Variants in ANK2 observed in about 807,000 individuals in gnomAD.
ANK2 encodes ankyrin-2.
In ANK2, 83 loss-of-function variants were observed where a neutral mutation model predicts 360.5. That is an observed-to-expected ratio of 0.23 (90% CI 0.19 to 0.28). ANK2 has a LOEUF of 0.28. Among genes scored for constraint, ANK2 ranks in the 10% least tolerant of loss-of-function variants. The pLI is 1.00. For synonymous variants in ANK2, 1,740 were observed against 1,759.5 expected (o/e 0.99, Z 0.28); for missense variants, 4,201 against 4,795.7 (o/e 0.88, Z 3.66).
chr4:113,075,470 C>G (rs2079540251), intron 1 of ANK2, among the ~76,000 whole-genome samples: 1 of 152,048 alleles, frequency 6.6e-6, no homozygotes, highest in Middle Eastern at 3.2e-3. Flanking sequence ...AAAAAGATGT[C>G]CTCAACATCA....
At chr4:113,032,057 T>A (rs2060533644) in intron 2 of ANK2, among the ~76,000 whole-genome samples, 2 of 151,900 alleles carry the variant, frequency 1.3e-5, no homozygotes, top group Admixed American at 1.3e-4. Context: ...AACCCAAACA[T>A]CCCAAAAATC....
At position 112,939,331 on chromosome 4, in the gene ANK2, C is replaced by A. The variant is rs192735573; in HGVS notation, c.21+34817C>A. Among the ~76,000 whole-genome samples the A allele has an allele frequency of 1.8e-3, 267 of 152,152 alleles. 1 individual carries two copies. The highest frequency in any genetic ancestry group is 5.1e-3 in the Admixed American group (78 of 15,270). On this transcript the variant is annotated intron_variant, in intron 2 of 30. Transcript: ENST00000503271. The stretch of plus-strand genomic sequence containing the variant: ...TTATTTTTATTTATTTATTTTGAGA[C>A]GGAGTTTCACTCTTGTTGCCCAGGC...
At chr4:113,130,460 G>C (rs1314444415) in intron 1 of ANK2, among the ~76,000 whole-genome samples, 1 of 152,074 alleles carries the variant, frequency 6.6e-6, no homozygotes, top group Admixed American at 6.6e-5. Flanking sequence ...AATGTATAAT[G>C]ATACTGCAAG....
chr4:113,009,925 T>TACCCACAC (rs1554050325), intron 2 of ANK2, among the ~76,000 whole-genome samples: 1 of 149,532 alleles, frequency 6.7e-6, no homozygotes, highest in Non-Finnish European at 1.5e-5. Context: ...TTGTTGAGAG[T>TACCCACAC]ACACACACAC....
Position 113,354,154 on chromosome 4 carries a change from T to C in ANK2, c.5536T>C (p.Ser1846Pro), listed in dbSNP as rs765102163. The stretch of plus-strand genomic sequence containing the variant: ...AAAAACTGAAAGGCACCCTCCAGTA[T>C]CACCATCAAGTAAAACTGAGAAACA... ...SAKTERHPPV[S>P]PSSKTEKHSP... is the part of the protein sequence containing the mutation. Residue 1846 changes from serine to proline, a missense_variant, in exon 38 of 46, where the codon TCA becomes CCA. Around this residue, in one of 4 missense-constraint regions of ANK2, gnomAD observed 2,642 missense variants for 2,714.5 expected, o/e 0.97. Coordinates refer to ENST00000357077, the MANE Select transcript of ANK2 (RefSeq NM_001148.6). 4.3e-6 allele frequency: 7 copies of C among 1,613,932 alleles called. No homozygotes were observed. Among genetic ancestry groups the C allele is most frequent in the Non-Finnish European group, 8.5e-7 (1 of 1,179,992 alleles).
intron 1 of ANK2, among the ~76,000 whole-genome samples, chr4:113,153,760 A>G (rs1452190104): frequency 1.3e-5 from 2 of 152,224 alleles, no homozygotes; most frequent in South Asian, 2.1e-4. Context: ...CTACCACATC[A>G]GAAGAATCGC....
intron 1 of ANK2, among the ~76,000 whole-genome samples, chr4:113,086,112 A>G (rs1274015353): frequency 6.6e-6 from 1 of 152,188 alleles, no homozygotes; most frequent in African/African-American, 2.4e-5. Context: ...TCAGAAGAGT[A>G]TAACAGAAAT....
intron 1 of ANK2, among the ~76,000 whole-genome samples, chr4:113,146,518 A>T (rs1191097522): frequency 6.6e-6 from 1 of 152,138 alleles, no homozygotes; most frequent in Non-Finnish European, 1.5e-5. Context: ...TTTTCTTGTT[A>T]TGATAGTAAT....
intron 15 of ANK2, 91 bp downstream of exon 15, chr4:113,274,740 A>G: frequency 7.3e-7 from 1 of 1,371,822 alleles, no homozygotes; most frequent in South Asian, 1.2e-5. Context: ...AAGAGGGTAG[A>G]TCTCCTCAGG....
intron 1 of ANK2, among the ~76,000 whole-genome samples, chr4:112,819,283 G>C (rs1034004350): frequency 6.6e-6 from 1 of 152,174 alleles, no homozygotes; most frequent in African/African-American, 2.4e-5. Context: ...TAGAGTTCTA[G>C]GTCAAGGTGT....
chr4:112,998,857 AATGAACAC>A (rs1465478726), intron 2 of ANK2, among the ~76,000 whole-genome samples: 3 of 152,190 alleles, frequency 2.0e-5, no homozygotes, highest in African/African-American at 7.2e-5. Flanking sequence ...TCTTGCAGAA[AATGAACAC>A]TCTTCTAAAT....
At chr4:113,160,275 G>C in intron 1 of ANK2, 1 of 384,992 alleles carries the variant, frequency 2.6e-6, no homozygotes, top group East Asian at 9.4e-5. Flanking sequence ...ATGTTGTCAA[G>C]GCTGGTCTCA....
At chr4:112,755,354 G>A in the ANK2 span, among the ~76,000 whole-genome samples, 1 of 152,194 alleles carries the variant, frequency 6.6e-6, no homozygotes, top group Admixed American at 6.5e-5. Flanking sequence ...TGTCTCACAT[G>A]TCCATGTGAA....
At chr4:112,726,083 G>A in the ANK2 span, among the ~76,000 whole-genome samples, 1 of 152,128 alleles carries the variant, frequency 6.6e-6, no homozygotes, top group Non-Finnish European at 1.5e-5. Context: ...TGAAGTCTGT[G>A]AAGGAGGAAG....
intron 1 of ANK2, among the ~76,000 whole-genome samples, chr4:112,851,866 C>G (rs1221045618): frequency 1.3e-5 from 2 of 152,204 alleles, no homozygotes; most frequent in African/African-American, 4.8e-5. Flanking sequence ...TCGTGATCCA[C>G]CTGCCTTGGC....
the ANK2 span, among the ~76,000 whole-genome samples, chr4:112,768,927 A>C: frequency 6.6e-6 from 1 of 152,216 alleles, no homozygotes. Context: ...TTATTATTTC[A>C]GTTATCTATT....
chr4:113,314,075 A>G (rs1018006710), intron 24 of ANK2, among the ~76,000 whole-genome samples: 1 of 152,210 alleles, frequency 6.6e-6, no homozygotes, highest in African/African-American at 2.4e-5. Context: ...CTGATGCCTA[A>G]AATATGCATA....
rs563300177 is a variant in ANK2, at chr4:113,073,779, A to T, written c.84+23967A>T. On this transcript the variant is annotated intron_variant, in intron 1 of 45. Transcript: ENST00000357077. ...ATCATCGACGGCTGCCACGCCACGG[A>T]AACACCTCATCCAATGGTGCCCAGG... is the stretch of plus-strand genomic sequence containing the variant. 2.0e-5 allele frequency among the ~76,000 whole-genome samples: 3 copies of T among 152,336 alleles called. No homozygotes were observed. In the East Asian group the frequency reaches 5.8e-4, roughly 29 times the overall value.
chr4:113,372,634 T>C, intron 43 of ANK2: 19 of 1,524,264 alleles, frequency 1.2e-5, no homozygotes, highest in Non-Finnish European at 1.7e-5. Context: ...AGGTACCCAC[T>C]GTTAAATTAC....
Sources: gnomAD v4.1 joint callset for allele counts (sites outside exome capture counted in the v4.1 genomes callset) on GRCh38, gnomAD v4.1.1 for gene constraint, gnomAD v4.1.1 regional missense constraint, MANE v1.5 for transcripts, NCBI Gene and HGNC (gene_info 2026-07-23, HGNC 2026-07-21) for gene names.